The following TVP23C variants were observed in gnomAD, a reference collection of about 807,000 sequenced individuals.
TVP23C encodes Golgi apparatus membrane protein TVP23 homolog C.
A neutral mutation model predicts 28.7 loss-of-function variants in TVP23C; 19 were observed. That is an observed-to-expected ratio of 0.66 (90% CI 0.46 to 0.97). The LOEUF is 0.97. Ranked by LOEUF, TVP23C falls within the 50% of genes least tolerant of loss-of-function variation. TVP23C has a pLI of 0.00. For missense variants in TVP23C, 186 were observed against 241.3 expected (o/e 0.77, Z 1.52); for synonymous variants, 68 against 81.7 (o/e 0.83, Z 0.90).
chr17:15,548,244 A>G (rs1480854636), intron 3 of TVP23C, among the ~76,000 whole-genome samples: 19 of 152,236 alleles, frequency 1.2e-4, no homozygotes, highest in African/African-American at 2.9e-4. Context: ...TCAGCTCACC[A>G]CAACCTCTGC....
chr17:15,554,526 C>T (rs566131612), intron 2 of TVP23C, among the ~76,000 whole-genome samples: 2 of 152,282 alleles, frequency 1.3e-5, no homozygotes, highest in East Asian at 1.9e-4. Flanking sequence ...CGTGAGCCAT[C>T]GCGCCCAGCC....
chr17:15,533,993 G>A (rs1036068664), downstream of TVP23C, among the ~76,000 whole-genome samples: 11 of 152,218 alleles, frequency 7.2e-5, no homozygotes, highest in Non-Finnish European at 1.5e-4. Flanking sequence ...CTTAATTTTT[G>A]TCTTCCTCCA....
intron 5 of TVP23C, among the ~76,000 whole-genome samples, chr17:15,527,715 A>G (rs1003667672): frequency 2.6e-5 from 4 of 152,184 alleles, no homozygotes; most frequent in Admixed American, 6.5e-5. Flanking sequence ...AAATCTAAAA[A>G]AGGATATTGA....
chr17:15,524,496 T>C (rs149407618), intron 5 of TVP23C, among the ~76,000 whole-genome samples: 5 of 152,210 alleles, frequency 3.3e-5, no homozygotes, highest in Middle Eastern at 3.4e-3. Flanking sequence ...AGACAGGAGA[T>C]AGGAAAAAGA....
intron 5 of TVP23C, among the ~76,000 whole-genome samples, chr17:15,518,314 C>A (rs146748968): frequency 7.3e-4 from 111 of 152,252 alleles, no homozygotes; most frequent in African/African-American, 2.4e-3. Flanking sequence ...CCAAACTCTA[C>A]CCTATATGGT....
chr17:15,539,431 C>A lies in TVP23C; in HGVS notation c.*981G>T. ...GACCATCCTGGCTAACACGGTGAAA[C>A]CCCGTCTCTACTAAAAATACAAAAA... On this transcript the variant is annotated 3_prime_UTR_variant, in exon 6 of 6. Coordinates refer to ENST00000518321, the MANE Select transcript of TVP23C (RefSeq NM_001135036.2). 5 of 460,432 alleles carry A rather than the reference C, an allele frequency of 1.1e-5. No homozygotes were observed. Among genetic ancestry groups the A allele is most frequent in the Non-Finnish European group, 1.4e-5 (5 of 351,062 alleles). The allele number at this position is 460,432 out of a possible 1,614,324, so 28.5% of individuals were successfully genotyped here.
At position 15,539,135 on chromosome 17, in the gene TVP23C, A is replaced by G; in HGVS notation, c.*1277T>C. ...AGTACCACCCAGAAACTTGGGAGAA[A>G]TGCAAATTATGAGACTCCACCCCCA... On this transcript the variant is annotated 3_prime_UTR_variant, in exon 6 of 6. Transcript: ENST00000518321. 26 of 958,618 alleles carry G rather than the reference A, an allele frequency of 2.7e-5. No homozygotes were observed. Among genetic ancestry groups the G allele is most frequent in the Non-Finnish European group, 3.2e-5 (26 of 805,680 alleles). 59.4% of individuals were successfully genotyped at this position (958,618 alleles called of 1,614,324 possible). A position where few individuals can be genotyped will look rare whatever the true frequency, so the allele number is the denominator to read the frequency against.
At chr17:15,533,076 C>T (rs547114208), downstream of TVP23C, among the ~76,000 whole-genome samples, 4 of 152,314 alleles carry the variant, frequency 2.6e-5, no homozygotes, top group South Asian at 2.1e-4. Flanking sequence ...TAATGGTTTT[C>T]GCCCCTTCAG....
chr17:15,549,443 A>T (rs751901447), intron 3 of TVP23C, among the ~76,000 whole-genome samples: 2 of 152,074 alleles, frequency 1.3e-5, no homozygotes, highest in African/African-American at 2.4e-5. Context: ...AAGATATAAG[A>T]TGCCTGGCCA....
chr17:15,552,506 A>T, intron 3 of TVP23C, among the ~76,000 whole-genome samples: 1 of 151,838 alleles, frequency 6.6e-6, no homozygotes. Flanking sequence ...ACATGGAGAA[A>T]CCCCGTCTGT....
At position 15,539,003 on chromosome 17, in the gene TVP23C, G is replaced by A. The variant is rs917567; in HGVS notation, c.*1409C>T. 0.22 allele frequency: 216,409 copies of A among 984,132 alleles called. 24,450 individuals carry two copies. Among genetic ancestry groups the A allele is most frequent in the African/African-American group, 0.33 (19,152 of 57,208 alleles). The allele number at this position is 984,132 out of a possible 1,614,324, so 61.0% of individuals were successfully genotyped here. On this transcript the variant is annotated 3_prime_UTR_variant, in exon 6 of 6. Coordinates refer to ENST00000518321, the MANE Select transcript of TVP23C (RefSeq NM_001135036.2). ...ATAAATTTTGAGTACAGAGGGCTGG[G>A]TTTAAGATCTAGCTTTGTACCACTA...
intron 5 of TVP23C, among the ~76,000 whole-genome samples, chr17:15,509,824 G>C (rs865982098): frequency 6.6e-6 from 1 of 152,188 alleles, no homozygotes; most frequent in Non-Finnish European, 1.5e-5. Context: ...TCCTTCCCTG[G>C]CTCACATGGC....
At chr17:15,523,476 A>C (rs1448009542) in intron 5 of TVP23C, among the ~76,000 whole-genome samples, 1 of 151,028 alleles carries the variant, frequency 6.6e-6, no homozygotes, top group Non-Finnish European at 1.5e-5. Flanking sequence ...ATGCCCAGCT[A>C]ATTTTTGTAT....
At chr17:15,517,054 CT>C (rs1241973571) in intron 5 of TVP23C, among the ~76,000 whole-genome samples, 1 of 152,238 alleles carries the variant, frequency 6.6e-6, no homozygotes, top group Non-Finnish European at 1.5e-5. Flanking sequence ...CCAAAAGAGG[CT>C]GCTTTATAAA....
intron 3 of TVP23C, among the ~76,000 whole-genome samples, chr17:15,548,829 T>C (rs1201484638): frequency 2.6e-5 from 4 of 152,220 alleles, no homozygotes; most frequent in Non-Finnish European, 2.9e-5. Flanking sequence ...TACATACCTA[T>C]GATAATGCTT....
chr17:15,542,933 C>G (rs985260287), intron 5 of TVP23C, among the ~76,000 whole-genome samples: 5 of 152,206 alleles, frequency 3.3e-5, no homozygotes, highest in Non-Finnish European at 5.9e-5. Context: ...AACACAGGAT[C>G]AAACTGGCTT....
In TVP23C at chr17:15,540,816, T is replaced by G. The variant is rs148010945; in HGVS notation, c.463-255A>C. On this transcript the variant is annotated intron_variant, in intron 5 of 5. Transcript: ENST00000518321. The stretch of plus-strand genomic sequence containing the variant: ...CAACTGCTCTATGTGCCAGGCACCA[T>G]GCTAGCTGCTGGGGATGCAGTGCAG... 7.7e-3 allele frequency among the ~76,000 whole-genome samples: 1,170 copies of G among 152,380 alleles called. 9 individuals are homozygous for G. Among genetic ancestry groups the G allele is most frequent in the East Asian group, 0.042 (218 of 5,192 alleles).
exon 6 of TVP23C, chr17:15,503,088 T>A: frequency 6.2e-7 from 1 of 1,614,082 alleles, no homozygotes; most frequent in Non-Finnish European, 8.5e-7. Context: ...GTGAAAGAAT[T>A]AATGTCTACC....
At chr17:15,522,934 G>A (rs185269812) in intron 5 of TVP23C, among the ~76,000 whole-genome samples, 98 of 151,960 alleles carry the variant, frequency 6.4e-4, no homozygotes, top group Non-Finnish European at 1.3e-3. Flanking sequence ...CCACCAGAGC[G>A]AGATTCCCTC....
Sources: gnomAD v4.1 joint callset for allele counts (sites outside exome capture counted in the v4.1 genomes callset) on GRCh38, gnomAD v4.1.1 for gene constraint, MANE v1.5 for transcripts, NCBI Gene and HGNC (gene_info 2026-07-23, HGNC 2026-07-21) for gene names.